ARFGEF3: variants seen among roughly 807,000 people sequenced by gnomAD.
The protein encoded by ARFGEF3 is ARFGEF family member 3, also known as brefeldin A-inhibited guanine nucleotide-exchange protein 3.
A neutral mutation model predicts 221.7 loss-of-function variants in ARFGEF3; 96 were observed. That is an observed-to-expected ratio of 0.43 (90% CI 0.37 to 0.51). The LOEUF (loss-of-function observed/expected upper bound fraction) is 0.51. ARFGEF3 is among the 20% of genes least tolerant of loss of function. The probability of loss-of-function intolerance (pLI) is 0.00; values close to 1 mark genes in which losing one functional copy is unlikely to be tolerated. For synonymous variants in ARFGEF3, 1,145 were observed against 1,126.8 expected, an observed-to-expected ratio of 1.02 and a Z score of -0.32; for missense variants, 2,410 against 2,789.9, an observed-to-expected ratio of 0.86 and a Z score of 3.07.
rs372683244 is a variant in ARFGEF3, at chr6:138,263,124, G to A, written c.1641G>A (p.Thr547=). 1.6e-4 allele frequency: 260 copies of A among 1,613,956 alleles called. No individual in the cohort carries two copies. Among genetic ancestry groups the A allele is most frequent in the East Asian group, 3.6e-4 (16 of 44,884 alleles). ...CAGCCATCCCAGAGGGTAAGGAGAC[G>A]CTGAGCAAAGTATTGGAAACAGAGG... ...KSPAIPEGKE[T]LSKVLETEAV... The change falls in exon 12 of 34, where the codon ACG becomes ACA. Residue 547 remains threonine (T), a synonymous_variant. Coordinates refer to ENST00000251691, the MANE Select transcript of ARFGEF3 (RefSeq NM_020340.5).
At position 138,238,596 on chromosome 6, in the gene ARFGEF3, T is replaced by A. The variant is rs760313364; in HGVS notation, c.508T>A (p.Leu170Met). 6.2e-7 allele frequency: 1 copy of A among 1,613,832 alleles called. No individual in the cohort carries two copies. Among genetic ancestry groups the A allele is most frequent in the African/African-American group, 1.3e-5 (1 of 75,036 alleles). Reference sequence around the variant, plus strand: ...AACTCTCAGTCAAATGCTGAGTGACTTGACTTTACAGTTACGACAGAGGCA... The same window carrying A: ...AACTCTCAGTCAAATGCTGAGTGACATGACTTTACAGTTACGACAGAGGCA... ...RATLSQMLSD[L>M]TLQLRQRQEN... Residue 170 changes from leucine to methionine, a missense_variant, in exon 6 of 34, where the codon TTG becomes ATG. By Grantham distance (15) the Leu-to-Met change is conservative. This residue lies in a region of ARFGEF3 where 570 missense variants were observed against 586.9 expected (regional missense o/e 0.97). Transcript: ENST00000251691.
At chr6:138,328,251 T>G in intron 32 of ARFGEF3, 109 bp downstream of exon 32, 1 of 1,289,436 alleles carries the variant, frequency 7.8e-7, no homozygotes, top group Non-Finnish European at 1.0e-6. Flanking sequence ...CTGAAAACAT[T>G]TGTGGAGTCA....
At chr6:138,326,054 G>A (rs1323552465) in intron 31 of ARFGEF3, among the ~76,000 whole-genome samples, 3 of 151,828 alleles carry the variant, frequency 2.0e-5, no homozygotes, top group East Asian at 1.9e-4. Flanking sequence ...ACGGAGTTTC[G>A]CCATGTTGGC....
chr6:138,245,759 G>T (rs1303203221), intron 8 of ARFGEF3, among the ~76,000 whole-genome samples, 168 bp downstream of exon 8: 6 of 152,152 alleles, frequency 3.9e-5, no homozygotes, highest in African/African-American at 1.4e-4. Flanking sequence ...TCTGAAAGTT[G>T]GTGCAGTTCA....
In ARFGEF3 at chr6:138,247,886, G is replaced by A. The variant is rs183432216; in HGVS notation, c.665+2295G>A. On this transcript the variant is annotated intron_variant, in intron 8 of 33. Coordinates refer to ENST00000251691, the MANE Select transcript of ARFGEF3 (RefSeq NM_020340.5). ...CTCCAGGAACACCTGAAGTTAACAG[G>A]ATTCATTTTAGTAACTTCTTATATG... is the stretch of plus-strand genomic sequence containing the variant. 1.4e-3 allele frequency among the ~76,000 whole-genome samples: 207 copies of A among 152,296 alleles called. 1 individual carries two copies. The South Asian group carries it at 0.024, about 18-fold the overall frequency.
chr6:138,258,334 A>T (rs947606564), intron 10 of ARFGEF3, among the ~76,000 whole-genome samples: 13 of 152,238 alleles, frequency 8.5e-5, no homozygotes, highest in African/African-American at 2.9e-4. Context: ...CTGCCACTTC[A>T]CATTAGCTTA....
At chr6:138,230,738 A>G (rs529208271) in intron 5 of ARFGEF3, among the ~76,000 whole-genome samples, 4 of 152,352 alleles carry the variant, frequency 2.6e-5, no homozygotes, top group African/African-American at 9.6e-5. Context: ...GCAGCAGCCA[A>G]TCAGCTGACC....
intron 2 of ARFGEF3, among the ~76,000 whole-genome samples, chr6:138,188,337 T>C (rs999947377): frequency 3.3e-5 from 5 of 152,324 alleles, no homozygotes; most frequent in African/African-American, 1.2e-4. Flanking sequence ...ATCTGTCCTG[T>C]CCTCCACAGT....
intron 2 of ARFGEF3, among the ~76,000 whole-genome samples, chr6:138,199,886 G>A (rs1777501376): frequency 6.6e-6 from 1 of 152,154 alleles, no homozygotes; most frequent in African/African-American, 2.4e-5. Flanking sequence ...TTGTCTGATA[G>A]CTCTGGCTAG....
At position 138,176,948 on chromosome 6, in the gene ARFGEF3, TTCTA is replaced by T. The variant is rs540481684; in HGVS notation, c.137+6240_137+6243del. On this transcript the variant is annotated intron_variant, in intron 2 of 33. Transcript: ENST00000251691. The stretch of plus-strand genomic sequence containing the variant: ...ATTTTGAAAATGTCATTCAATTTTC[TTCTA>T]TCTAAGAGGTTTCTGCTGAGAAATC... Among the ~76,000 whole-genome samples the T allele has an allele frequency of 4.4e-3, 666 of 152,168 alleles. 6 individuals carry two copies. Among genetic ancestry groups the T allele is most frequent in the Non-Finnish European group, 8.0e-3 (543 of 67,978 alleles).
In ARFGEF3 at chr6:138,286,712, G is replaced by A. The variant is rs1427035237; in HGVS notation, c.2581G>A (p.Ala861Thr). ...DDSTVAGVAF[A>T]RYILVGCWKN... is the part of the protein sequence containing the mutation. ...CCTCCATGTTCCAGGCGTGGCATTT[G>A]CTCGCTATATTCTGGTGGGCTGCTG... Residue 861 changes from alanine (A) to threonine (T), a missense_variant, in exon 16 of 34, where the codon GCT (alanine) becomes ACT (threonine). Physicochemically the swap from Ala to Thr is moderately conservative, Grantham distance 58 (BLOSUM62 0). This residue lies in a region of ARFGEF3 where 594 missense variants were observed against 734.3 expected (regional missense o/e 0.81). Coordinates refer to ENST00000251691, the MANE Select transcript of ARFGEF3 (RefSeq NM_020340.5). 6.2e-7 allele frequency: 1 copy of A among 1,613,980 alleles called. No homozygotes were observed. Among genetic ancestry groups the A allele is most frequent in the Non-Finnish European group, 8.5e-7 (1 of 1,179,874 alleles).
intron 2 of ARFGEF3, among the ~76,000 whole-genome samples, chr6:138,189,792 G>A (rs1361130789): frequency 6.6e-6 from 1 of 152,098 alleles, no homozygotes; most frequent in Non-Finnish European, 1.5e-5. Context: ...TTTTTAAAAT[G>A]TATATGGTCA....
intron 2 of ARFGEF3, among the ~76,000 whole-genome samples, chr6:138,178,273 A>G (rs1021849985): frequency 5.9e-5 from 9 of 152,200 alleles, no homozygotes; most frequent in African/African-American, 1.9e-4. Context: ...TCCACATGCC[A>G]AAGCCAAGAC....
At chr6:138,179,045 C>G (rs999793820) in intron 2 of ARFGEF3, among the ~76,000 whole-genome samples, 2 of 152,186 alleles carry the variant, frequency 1.3e-5, no homozygotes, top group African/African-American at 2.4e-5. Flanking sequence ...TTTCAGTTCT[C>G]AGTAGATTTC....
intron 13 of ARFGEF3, 51 bp from the exon 14 acceptor site, chr6:138,279,948 G>A: frequency 6.3e-7 from 1 of 1,587,876 alleles, no homozygotes; most frequent in Non-Finnish European, 8.6e-7. Context: ...TTAGGAGCCT[G>A]TTAGTGAGCA....
intron 8 of ARFGEF3, among the ~76,000 whole-genome samples, chr6:138,253,625 A>G (rs1778619469): frequency 1.3e-5 from 2 of 152,150 alleles, no homozygotes; most frequent in African/African-American, 4.8e-5. Flanking sequence ...CATCCCCCCT[A>G]GTGAACTGAG....
intron 7 of ARFGEF3, among the ~76,000 whole-genome samples, chr6:138,244,370 C>T (rs187503387): frequency 5.3e-4 from 81 of 152,308 alleles, no homozygotes; most frequent in African/African-American, 1.6e-3. Context: ...TTTGTAAAGA[C>T]GTTTACAGGT....
intron 4 of ARFGEF3, among the ~76,000 whole-genome samples, chr6:138,211,012 G>T (rs536341913): frequency 1.3e-5 from 2 of 152,254 alleles, no homozygotes; most frequent in East Asian, 1.9e-4. Flanking sequence ...AGCCTGTCTG[G>T]GTTTCAATTC....
At chr6:138,335,828 G>A (rs1006306885) in intron 33 of ARFGEF3, among the ~76,000 whole-genome samples, 5 of 152,210 alleles carry the variant, frequency 3.3e-5, no homozygotes, top group Non-Finnish European at 7.4e-5. Flanking sequence ...TAAATATTGT[G>A]TGGTTATGCC....
Sources: gnomAD v4.1 joint callset for allele counts (sites outside exome capture counted in the v4.1 genomes callset) on GRCh38, gnomAD v4.1.1 for gene constraint, gnomAD v4.1.1 regional missense constraint, MANE v1.5 for transcripts, NCBI Gene and HGNC (gene_info 2026-07-23, HGNC 2026-07-21) for gene names.